TASP1: variants seen among roughly 807,000 people sequenced by gnomAD.
TASP1 encodes taspase 1.
Under a neutral mutation model 56.6 loss-of-function variants are expected in TASP1, and 16 were observed. The observed-to-expected ratio is 0.28, with a 90% CI of 0.19 to 0.43. TASP1 has a LOEUF of 0.43. TASP1 is among the 20% of genes least tolerant of loss of function. The pLI, the probability that TASP1 is intolerant of heterozygous loss-of-function variation, is 1.00. For synonymous variants in TASP1, 179 were observed against 184.2 expected (o/e 0.97, Z 0.23); for missense variants, 393 against 511.6 (o/e 0.77, Z 2.24).
the TASP1 span, among the ~76,000 whole-genome samples, chr20:13,246,250 GCAA>G: frequency 6.7e-6 from 1 of 148,918 alleles, no homozygotes; most frequent in Non-Finnish European, 1.5e-5. Flanking sequence ...TTTAGCCTGG[GCAA>G]CACAGCGAGA....
chr20:13,547,729 G>C, intron 8 of TASP1, among the ~76,000 whole-genome samples: 1 of 152,068 alleles, frequency 6.6e-6, no homozygotes, highest in Non-Finnish European at 1.5e-5. Context: ...TGAAGATACT[G>C]CAACAGTCCA....
chr20:13,483,996 A>C (rs909020511), intron 10 of TASP1, among the ~76,000 whole-genome samples: 1 of 152,214 alleles, frequency 6.6e-6, no homozygotes, highest in African/African-American at 2.4e-5. Flanking sequence ...AAAGTGGGCA[A>C]AGGATATGCA....
At chr20:13,266,037 A>G in the TASP1 span, among the ~76,000 whole-genome samples, 43 of 152,310 alleles carry the variant, frequency 2.8e-4, no homozygotes, top group East Asian at 5.6e-3. Context: ...AGAAAGGCAA[A>G]TGGCAAAACC....
At chr20:13,299,174 C>T in the TASP1 span, 7 of 1,608,450 alleles carry the variant, frequency 4.4e-6, no homozygotes, top group Admixed American at 1.0e-4. This position sits in a 1 kb window ranked among gnomAD's most constrained non-coding sequence, Gnocchi z 5.8. Flanking sequence ...ACTGCATCCG[C>T]TCCATGCTGT....
intron 4 of TASP1, among the ~76,000 whole-genome samples, chr20:13,612,312 T>G (rs2048372187): frequency 6.6e-6 from 1 of 152,142 alleles, no homozygotes; most frequent in African/African-American, 2.4e-5. Context: ...ATGAGCTTTC[T>G]ACTCAGAGTC....
intron 10 of TASP1, among the ~76,000 whole-genome samples, chr20:13,505,209 C>A (rs1384009647): frequency 6.6e-6 from 1 of 152,044 alleles, no homozygotes; most frequent in African/African-American, 2.4e-5. Flanking sequence ...GTGATTAATT[C>A]ACCAAAAGGA....
At chr20:13,282,977 CT>C in the TASP1 span, among the ~76,000 whole-genome samples, 1 of 152,212 alleles carries the variant, frequency 6.6e-6, no homozygotes, top group Non-Finnish European at 1.5e-5. Flanking sequence ...TGGAATTCAT[CT>C]TTTCCGGAAT....
At chr20:13,167,621 A>G in the TASP1 span, 13 of 152,226 alleles carry the variant, frequency 8.5e-5, no homozygotes, top group Non-Finnish European at 1.3e-4. Flanking sequence ...CTGTATAATA[A>G]GGAAATGGCA....
intron 10 of TASP1, among the ~76,000 whole-genome samples, chr20:13,519,495 A>T (rs559261047): frequency 1.3e-3 from 196 of 152,364 alleles, no homozygotes; most frequent in Non-Finnish European, 2.4e-3. Context: ...GTAATCCAGC[A>T]TATAAACAGA....
At chr20:13,604,606 C>G (rs958725960) in intron 4 of TASP1, among the ~76,000 whole-genome samples, 1 of 152,186 alleles carries the variant, frequency 6.6e-6, no homozygotes, top group African/African-American at 2.4e-5. Flanking sequence ...GTGGTTCCTA[C>G]AGCTATCACA....
intron 4 of TASP1, among the ~76,000 whole-genome samples, chr20:13,588,250 AAAGGAAGG>A (rs71334135): frequency 0.14 from 13,282 of 96,464 alleles, 1,069 homozygotes; most frequent in South Asian, 0.22. Context: ...AGAAAGGAAG[AAAGGAAGG>A]AAGGAAGGAA....
intron 11 of TASP1, among the ~76,000 whole-genome samples, chr20:13,478,928 T>C (rs1350178689): frequency 6.6e-6 from 1 of 152,166 alleles, no homozygotes; most frequent in Non-Finnish European, 1.5e-5. Context: ...GAGGAATGAA[T>C]AAATTATGGA....
chr20:13,483,533 T>G (rs2043215277), intron 10 of TASP1, among the ~76,000 whole-genome samples, 196 bp from the exon 11 acceptor site: 1 of 152,114 alleles, frequency 6.6e-6, no homozygotes, highest in South Asian at 2.1e-4. Flanking sequence ...AAACACAAAG[T>G]TTATCAATCA....
At chr20:13,159,973 T>G in the TASP1 span, 1 of 1,514,816 alleles carries the variant, frequency 6.6e-7, no homozygotes, top group Non-Finnish European at 8.9e-7. Flanking sequence ...CTAACCACTT[T>G]TTTTTTTTCT....
chr20:13,591,019 T>C (rs2047511718), intron 4 of TASP1, among the ~76,000 whole-genome samples: 1 of 137,380 alleles, frequency 7.3e-6, no homozygotes, highest in African/African-American at 2.7e-5. Flanking sequence ...ATTATCCAAA[T>C]AAATGACAAA....
the TASP1 span, among the ~76,000 whole-genome samples, chr20:13,173,041 GC>G: frequency 1.3e-5 from 2 of 152,146 alleles, no homozygotes; most frequent in African/African-American, 4.8e-5. Context: ...CTTTGCCATT[GC>G]ATGTGTGGTT....
chr20:13,302,513 T>G, the TASP1 span, among the ~76,000 whole-genome samples: 1 of 152,200 alleles, frequency 6.6e-6, no homozygotes, highest in Non-Finnish European at 1.5e-5. Context: ...GGCCCCAAGC[T>G]GGTGCCAGGG....
chr20:13,146,178 TA>T, the TASP1 span, among the ~76,000 whole-genome samples: 1 of 151,986 alleles, frequency 6.6e-6, no homozygotes, highest in African/African-American at 2.4e-5. Flanking sequence ...CACAGGAACA[TA>T]AAACCAAATA....
chr20:13,270,360 T>C, the TASP1 span: 1 of 859,396 alleles, frequency 1.2e-6, no homozygotes, highest in South Asian at 1.8e-5. Flanking sequence ...AAACCATGGG[T>C]TTGCAAAACA....
Sources: gnomAD v4.1 joint callset for allele counts (sites outside exome capture counted in the v4.1 genomes callset) on GRCh38, gnomAD v4.1.1 for gene constraint, Gnocchi (gnomAD v3.1) non-coding constraint, MANE v1.5 for transcripts, NCBI Gene and HGNC (gene_info 2026-07-23, HGNC 2026-07-21) for gene names.